Variants in SDK2 observed in about 807,000 individuals in gnomAD.
SDK2 encodes the protein protein sidekick-2.
SDK2 carries 105 observed loss-of-function variants against 253.9 expected under a neutral mutation model. The observed-to-expected ratio is 0.41, with a 90% confidence interval of 0.35 to 0.49. The LOEUF (loss-of-function observed/expected upper bound fraction) is 0.49, where lower values mean the gene tolerates loss of function less well. Ranked by LOEUF, SDK2 falls within the 20% of genes least tolerant of loss-of-function variation. The pLI is 0.06. For missense variants in SDK2, 2,608 were observed against 3,003.0 expected (o/e 0.87, Z 3.07); for synonymous variants, 1,249 against 1,234.9 (o/e 1.01, Z -0.24).
intron 18 of SDK2, among the ~76,000 whole-genome samples, chr17:73,412,069 CGTATATATGTATAT>C: frequency 1.2e-4 from 1 of 8,012 alleles, no homozygotes; most frequent in East Asian, 1.2e-3. Flanking sequence ...TGTATATATA[CGTATATATGTATAT>C]GTATATATAC....
intron 1 of SDK2, among the ~76,000 whole-genome samples, chr17:73,605,138 A>G (rs1399267752): frequency 1.3e-5 from 2 of 152,198 alleles, no homozygotes; most frequent in Non-Finnish European, 2.9e-5. Flanking sequence ...GAAGCTTCGA[A>G]AAAGGGATGA....
intron 1 of SDK2, chr17:73,640,969 G>C (rs1424665209): frequency 6.6e-6 from 1 of 152,226 alleles, no homozygotes; most frequent in Admixed American, 6.5e-5. Flanking sequence ...CGAGACTCTA[G>C]TTAAAAGACT....
At chr17:73,550,297 C>T (rs894195549) in intron 1 of SDK2, among the ~76,000 whole-genome samples, 5 of 152,156 alleles carry the variant, frequency 3.3e-5, no homozygotes, top group Admixed American at 1.3e-4. Flanking sequence ...CTAGGGTTAA[C>T]GGTTCTGAAA....
rs895267442 is a variant in SDK2 at position 73,358,101 on chromosome 17, G to A, written c.5571C>T (p.Tyr1857=). The change falls in exon 40 of 45, where the codon TAC becomes TAT. Residue 1857 remains tyrosine (Y), a synonymous_variant. Transcript: ENST00000392650. ...CACCTGAAGGTCTGGCCTCGATGAC[G>A]TAGCGGGTGATGGGCCCTTTGCCCG... The part of the protein sequence containing the change: ...GDPGKGPITR[Y]VIEARPSDEG... The A allele has an allele frequency of 2.1e-5, 34 of 1,613,256 alleles. No homozygotes were observed. In the East Asian group the frequency reaches 2.5e-4, roughly 12 times the overall value.
At chr17:73,445,604 G>A (rs751234053) in intron 5 of SDK2, among the ~76,000 whole-genome samples, 4 of 152,136 alleles carry the variant, frequency 2.6e-5, no homozygotes, top group Non-Finnish European at 4.4e-5. Context: ...GCGGTGCGGA[G>A]GGGAGAGCAG....
intron 1 of SDK2, among the ~76,000 whole-genome samples, chr17:73,562,389 T>C (rs2045249414): frequency 6.6e-6 from 1 of 152,116 alleles, no homozygotes; most frequent in South Asian, 2.1e-4. Context: ...AGCACCCCCC[T>C]AAGATTTTGG....
At chr17:73,400,957 C>T in intron 21 of SDK2, 63 bp downstream of exon 21, 4 of 1,464,922 alleles carry the variant, frequency 2.7e-6, no homozygotes, top group Non-Finnish European at 3.7e-6. Context: ...CGACAAGGGG[C>T]CTCTTGAATG....
At chr17:73,631,146 T>C (rs1375749166) in intron 1 of SDK2, among the ~76,000 whole-genome samples, 1 of 152,168 alleles carries the variant, frequency 6.6e-6, no homozygotes, top group Non-Finnish European at 1.5e-5. Context: ...TTTATTACTG[T>C]CCCGACGACT....
At position 73,395,333 on chromosome 17, in the gene SDK2, G is replaced by C. The variant is rs779369281; in HGVS notation, c.3414C>G (p.Tyr1138Ter). The C allele has an allele frequency of 6.2e-7, 1 of 1,614,008 alleles. No homozygotes were observed. Among genetic ancestry groups the C allele is most frequent in the Non-Finnish European group, 8.5e-7 (1 of 1,179,898 alleles). The change falls in exon 25 of 45, where the codon TAC becomes TAG. Residue 1138 changes from tyrosine (Y) to a stop codon, truncating the protein, a stop_gained. Coordinates refer to ENST00000392650, the MANE Select transcript of SDK2 (RefSeq NM_001144952.2). LOFTEE classifies it high-confidence loss of function. This position sits in a 1 kb window ranked among gnomAD's most constrained non-coding sequence, Gnocchi z 4.3. ...NPESVGYKIK[Y>*]SRSDGHGKTL... is the part of the protein sequence containing the mutation. Reference sequence around the variant, plus strand: ...TCTTGCCATGCCCGTCTGACCGGCTGTACTTGATCTTATAGCCCACGGACT... The same window carrying C: ...TCTTGCCATGCCCGTCTGACCGGCTCTACTTGATCTTATAGCCCACGGACT...
intron 1 of SDK2, among the ~76,000 whole-genome samples, chr17:73,556,646 T>G (rs2045148869): frequency 6.6e-6 from 1 of 152,258 alleles, no homozygotes; most frequent in Non-Finnish European, 1.5e-5. Context: ...GTATGGTTGT[T>G]ACCATTTGTT....
intron 37 of SDK2, among the ~76,000 whole-genome samples, chr17:73,366,335 G>A (rs1050176962): frequency 1.3e-5 from 2 of 152,168 alleles, no homozygotes; most frequent in African/African-American, 4.8e-5. Context: ...CAAAAGAGTG[G>A]CCGGGACAGG....
chr17:73,457,016 T>C (rs2063530198), intron 3 of SDK2, among the ~76,000 whole-genome samples: 1 of 152,128 alleles, frequency 6.6e-6, no homozygotes, highest in Non-Finnish European at 1.5e-5. Context: ...ACCTGCTGGA[T>C]CAGAAGCAGC....
chr17:73,365,077 C>T (rs2062672330), intron 38 of SDK2, among the ~76,000 whole-genome samples, 181 bp downstream of exon 38: 1 of 152,218 alleles, frequency 6.6e-6, no homozygotes, highest in African/African-American at 2.4e-5. Flanking sequence ...CTGCCCTCAA[C>T]TTGCTGTTGT....
At chr17:73,452,031 C>T (rs1263128251) in intron 4 of SDK2, among the ~76,000 whole-genome samples, 1 of 152,060 alleles carries the variant, frequency 6.6e-6, no homozygotes. Context: ...GCCCTCCCTT[C>T]CCCCCACTGC....
At chr17:73,416,651 A>G (rs891031050) in intron 16 of SDK2, among the ~76,000 whole-genome samples, 3 of 151,904 alleles carry the variant, frequency 2.0e-5, no homozygotes, top group Admixed American at 6.6e-5. Flanking sequence ...GTGCTATGGC[A>G]TGATCTTGGC....
intron 1 of SDK2, among the ~76,000 whole-genome samples, chr17:73,571,709 CG>C (rs2045389479): frequency 6.6e-6 from 1 of 152,218 alleles, no homozygotes; most frequent in African/African-American, 2.4e-5. Flanking sequence ...CTGGAAACAC[CG>C]TTTCCCGCCC....
chr17:73,569,797 C>T (rs191502703), intron 1 of SDK2, among the ~76,000 whole-genome samples: 3 of 152,156 alleles, frequency 2.0e-5, no homozygotes, highest in East Asian at 1.9e-4. Context: ...TGAGAACCCC[C>T]GCAAAGGTCC....
At chr17:73,502,486 T>G (rs184981176) in intron 2 of SDK2, among the ~76,000 whole-genome samples, 30 of 152,304 alleles carry the variant, frequency 2.0e-4, no homozygotes, top group Non-Finnish European at 1.5e-5. Flanking sequence ...GGGGATATAT[T>G]CAAAGGACCC....
At chr17:73,640,750 G>A (rs368476659) in intron 1 of SDK2, among the ~76,000 whole-genome samples, 10 of 152,310 alleles carry the variant, frequency 6.6e-5, no homozygotes, top group Admixed American at 5.2e-4. Flanking sequence ...CTCTAGAGCT[G>A]GGGGTTCCAG....
Sources: allele counts gnomAD v4.1 joint callset (sites outside exome capture counted in the v4.1 genomes callset), GRCh38; gene constraint gnomAD v4.1.1; non-coding constraint Gnocchi (gnomAD v3.1); transcripts MANE v1.5; gene names NCBI Gene and HGNC (gene_info 2026-07-23, HGNC 2026-07-21).